The following RNF182 variants were observed in gnomAD, a reference collection of about 807,000 sequenced individuals.
RNF182 encodes E3 ubiquitin-protein ligase RNF182.
A neutral mutation model predicts 14.4 loss-of-function variants in RNF182; 15 were observed. The ratio of observed to expected loss-of-function variants is 1.04; its 90% confidence interval spans 0.70 to 1.60. The LOEUF is 1.60. Among genes scored for constraint, RNF182 ranks in the 40% most tolerant of loss-of-function variants. The probability of loss-of-function intolerance (pLI) is 0.00; values close to 1 mark genes in which losing one functional copy is unlikely to be tolerated. For missense variants in RNF182, 268 were observed against 294.8 expected (o/e 0.91, Z 0.67); for synonymous variants, 128 against 122.9 (o/e 1.04, Z -0.27).
intron 1 of RNF182, among the ~76,000 whole-genome samples, chr6:13,970,572 A>G (rs1420653406): frequency 6.6e-6 from 1 of 152,112 alleles, no homozygotes; most frequent in East Asian, 1.9e-4. Flanking sequence ...TCCCTTTGAT[A>G]TATTGATTTC....
At chr6:13,931,184 A>G (rs1312276458) in intron 1 of RNF182, among the ~76,000 whole-genome samples, 1 of 152,202 alleles carries the variant, frequency 6.6e-6, no homozygotes, top group Non-Finnish European at 1.5e-5. Context: ...CCTATCCTCA[A>G]GTCTATTTTT....
At chr6:13,968,225 A>G (rs560981430) in intron 1 of RNF182, among the ~76,000 whole-genome samples, 231 of 152,352 alleles carry the variant, frequency 1.5e-3, no homozygotes, top group African/African-American at 3.7e-3. Context: ...TTAGAAGACT[A>G]TAAGTGAGAA....
chr6:13,959,746 TG>T (rs574051024), intron 1 of RNF182, among the ~76,000 whole-genome samples: 20 of 152,254 alleles, frequency 1.3e-4, no homozygotes, highest in South Asian at 6.2e-4. Flanking sequence ...TGGGGAAAAC[TG>T]CAGGAAACAA....
chr6:13,957,001 G>A (rs943031385), intron 1 of RNF182, among the ~76,000 whole-genome samples: 5 of 151,834 alleles, frequency 3.3e-5, no homozygotes, highest in African/African-American at 7.3e-5. Context: ...CTGTGTGACC[G>A]AATGGAATGA....
intron 1 of RNF182, among the ~76,000 whole-genome samples, chr6:13,932,103 A>C (rs1325073393): frequency 2.6e-5 from 4 of 152,192 alleles, no homozygotes; most frequent in African/African-American, 9.6e-5. Context: ...TAAGCCATTC[A>C]GCATATGGTA....
At chr6:13,976,462 T>C (rs1450711079) in intron 2 of RNF182, among the ~76,000 whole-genome samples, 2 of 152,234 alleles carry the variant, frequency 1.3e-5, no homozygotes, top group African/African-American at 4.8e-5. Flanking sequence ...GTCCTTAATA[T>C]TCCCTTTTGT....
intron 1 of RNF182, among the ~76,000 whole-genome samples, chr6:13,934,655 C>T (rs1472117425): frequency 3.3e-5 from 5 of 152,170 alleles, no homozygotes; most frequent in Admixed American, 6.5e-5. Flanking sequence ...CTGTGATCCA[C>T]GCATGAGCTC....
At chr6:13,950,051 G>A (rs1272091273) in intron 1 of RNF182, among the ~76,000 whole-genome samples, 1 of 152,138 alleles carries the variant, frequency 6.6e-6, no homozygotes, top group Non-Finnish European at 1.5e-5. Context: ...TCTGAACTAG[G>A]CAAGAAACTT....
At position 13,960,692 on chromosome 6, in the gene RNF182, T is replaced by TGTGTGTGTGTGTGCGCGC. The variant is rs367625022; in HGVS notation, c.-366-13517_-366-13516insTGTGTGTGTGTGCGCGCG. 8.7e-5 allele frequency among the ~76,000 whole-genome samples: 12 copies of TGTGTGTGTGTGTGCGCGC among 137,694 alleles called. 1 individual carries two copies. The highest frequency in any genetic ancestry group is 2.8e-4 in the African/African-American group (11 of 39,244). 90.3% of individuals were successfully genotyped at this position (137,694 alleles called of 152,430 possible). A position where few individuals can be genotyped will look rare whatever the true frequency, so the allele number is the denominator to read the frequency against. On this transcript the variant is annotated intron_variant, in intron 1 of 2. Coordinates refer to ENST00000488300, the MANE Select transcript of RNF182 (RefSeq NM_152737.4). ...GTGTGTGTGTGTGTGTGTGTGTGTG[T>TGTGTGTGTGTGTGCGCGC]GCGCGCGTGCACATGCATGTGATGT...
At chr6:13,928,248 G>A (rs1758878580) in intron 1 of RNF182, among the ~76,000 whole-genome samples, 1 of 152,126 alleles carries the variant, frequency 6.6e-6, no homozygotes, top group African/African-American at 2.4e-5. Context: ...CAAGATAAAC[G>A]ATTGTTTTCC....
At chr6:13,935,616 T>A (rs535644618) in intron 1 of RNF182, among the ~76,000 whole-genome samples, 1 of 152,278 alleles carries the variant, frequency 6.6e-6, no homozygotes, top group East Asian at 1.9e-4. Flanking sequence ...CATTTGATGA[T>A]CCAAAAAGAT....
rs185343389 is a variant in RNF182, at chr6:13,967,626, A to T, written c.-366-6584A>T. On this transcript the variant is annotated intron_variant, in intron 1 of 2. Transcript: ENST00000488300. Reference sequence around the variant, plus strand: ...TTAAAAGGAAAAGATTTTCTTATAGATTTTGTTCTCTGATCATAATCCCGT... The same window carrying T: ...TTAAAAGGAAAAGATTTTCTTATAGTTTTTGTTCTCTGATCATAATCCCGT... 4.5e-3 allele frequency among the ~76,000 whole-genome samples: 681 copies of T among 152,306 alleles called. 7 individuals carry two copies. The highest frequency in any genetic ancestry group is 0.014 in the Middle Eastern group (4 of 294).
At chr6:13,933,991 C>A (rs1759042443) in intron 1 of RNF182, among the ~76,000 whole-genome samples, 1 of 152,010 alleles carries the variant, frequency 6.6e-6, no homozygotes, top group Admixed American at 6.6e-5. Flanking sequence ...GCACTCCAGC[C>A]TGGGCAACAG....
Position 13,977,629 on chromosome 6 carries a change from G to A in RNF182, c.510G>A (p.Val170=). 6.2e-7 allele frequency: 1 copy of A among 1,614,184 alleles called. No homozygotes were observed. The highest frequency in any genetic ancestry group is 8.5e-7 in the Non-Finnish European group (1 of 1,180,032). The part of the protein sequence containing the change: ...SVTTVSHNWT[V]WNCTSLLFQT... ...CCACTGTGTCACACAACTGGACTGT[G>A]TGGAACTGCACGTCCCTGCTGTTTC... Residue 170 remains valine, a synonymous_variant, in exon 3 of 3, where the codon GTG becomes GTA. Transcript: ENST00000488300.
Position 13,974,303 on chromosome 6 carries a change from G to A in RNF182, c.-273G>A, listed in dbSNP as rs540109726. On this transcript the variant is annotated 5_prime_UTR_variant, in exon 2 of 3. Coordinates refer to ENST00000488300, the MANE Select transcript of RNF182 (RefSeq NM_152737.4). ...CCCAGAAGAGCCGTTCTTAGAGGCA[G>A]GACTTGATGAAGGCTTTCCTGCTGA... 6.6e-6 allele frequency: 1 copy of A among 152,234 alleles called. No homozygotes were observed. Among genetic ancestry groups the A allele is most frequent in the South Asian group, 2.1e-4 (1 of 4,820 alleles). 9.4% of individuals were successfully genotyped at this position (152,234 alleles called of 1,614,324 possible).
chr6:13,925,989 C>T (rs1487710267), intron 1 of RNF182, among the ~76,000 whole-genome samples: 2 of 152,000 alleles, frequency 1.3e-5, no homozygotes, highest in African/African-American at 2.4e-5. Flanking sequence ...GGTACTTAGA[C>T]ATCATCTTAC....
At chr6:13,929,795 A>G (rs1019358428) in intron 1 of RNF182, among the ~76,000 whole-genome samples, 3 of 152,230 alleles carry the variant, frequency 2.0e-5, no homozygotes, top group Non-Finnish European at 4.4e-5. Context: ...CTGTTTACTG[A>G]TATCTACTAA....
chr6:13,942,434 TG>T (rs1459769672), intron 1 of RNF182, among the ~76,000 whole-genome samples: 1 of 152,176 alleles, frequency 6.6e-6, no homozygotes, highest in African/African-American at 2.4e-5. Context: ...CTCTGCCTCC[TG>T]GGCTTAGGTG....
rs1290474395 is a variant in RNF182, at chr6:13,978,706, GC to G, written c.*845del. The G allele has an allele frequency of 6.0e-6, 1 of 166,906 alleles. No homozygotes were observed. 10.3% of individuals were successfully genotyped at this position (166,906 alleles called of 1,614,324 possible). A position where few individuals can be genotyped will look rare whatever the true frequency, so the allele number is the denominator to read the frequency against. ...TTTTTTAAACCACATTGCCCAATCA[GC>G]CTCACCCCTTGTCCTGAAAAGGTTC... On this transcript the variant is annotated 3_prime_UTR_variant, in exon 3 of 3. Coordinates refer to ENST00000488300, the MANE Select transcript of RNF182 (RefSeq NM_152737.4).
Sources: allele counts gnomAD v4.1 joint callset (sites outside exome capture counted in the v4.1 genomes callset), GRCh38; gene constraint gnomAD v4.1.1; transcripts MANE v1.5; gene names NCBI Gene and HGNC (gene_info 2026-07-23, HGNC 2026-07-21).